Variants in KASH5 observed in about 807,000 individuals in gnomAD.
KASH5 encodes KASH domain containing 5.
Under a neutral mutation model 84.2 loss-of-function variants are expected in KASH5, and 72 were observed. The ratio of observed to expected loss-of-function variants is 0.85; its 90% confidence interval spans 0.71 to 1.04. KASH5 has a LOEUF of 1.04. Among genes scored for constraint, KASH5 ranks in the 50% least tolerant of loss-of-function variants. The probability of loss-of-function intolerance (pLI) is 0.00; values close to 1 mark genes in which losing one functional copy is unlikely to be tolerated. For missense variants in KASH5, 650 were observed against 701.0 expected, an observed-to-expected ratio of 0.93 and a Z score of 0.82; for synonymous variants, 260 against 279.1, an observed-to-expected ratio of 0.93 and a Z score of 0.68.
chr19:49,395,001 A>G lies in KASH5; in HGVS notation c.149-105A>G. 1 of 841,014 alleles carries G rather than the reference A, an allele frequency of 1.2e-6. No individual in the cohort carries two copies. The highest frequency in any genetic ancestry group is 1.8e-6 in the Non-Finnish European group (1 of 556,000). 52.1% of individuals were successfully genotyped at this position (841,014 alleles called of 1,614,324 possible). A position where few individuals can be genotyped will look rare whatever the true frequency, so the allele number is the denominator to read the frequency against. ...TGTCTCCACTGGGCCATGGAGCAGG[A>G]GTGCCACCAGCCTAGCCAGTGACAT... On this transcript the variant is annotated intron_variant, in intron 3 of 19. Transcript: ENST00000447857. This position sits in a 1 kb window ranked among gnomAD's most constrained non-coding sequence, Gnocchi z 4.4.
intron 17 of KASH5, chr19:49,415,340 G>C (rs1181973528): frequency 5.3e-6 from 2 of 375,934 alleles, no homozygotes; most frequent in Admixed American, 8.3e-5. Context: ...GGAGAGGTTG[G>C]GCCGGCCCTC....
chr19:49,396,242 A>ATTTTTTTGT (rs1568611428), intron 5 of KASH5, among the ~76,000 whole-genome samples: 1 of 122,904 alleles, frequency 8.1e-6, no homozygotes. Context: ...ACCCTGCTGG[A>ATTTTTTTGT]CTTTTTTTTT....
chr19:49,399,716 T>G lies in KASH5; in HGVS notation c.798+209T>G. On this transcript the variant is annotated intron_variant, in intron 9 of 19. Coordinates refer to ENST00000447857, the MANE Select transcript of KASH5 (RefSeq NM_144688.5). The surrounding 1 kb of genome is among the most constrained non-coding windows in gnomAD (Gnocchi z 4.4). ...AGGCATGGGGTCAGCCTACATGGCT[T>G]CAGGCTGAGGCCACCTACATAAGAG... The G allele has an allele frequency of 7.1e-7, 1 of 1,408,166 alleles. No homozygotes were observed. The highest frequency in any genetic ancestry group is 9.3e-7 in the Non-Finnish European group (1 of 1,071,110). 87.2% of individuals were successfully genotyped at this position (1,408,166 alleles called of 1,614,324 possible).
intron 9 of KASH5, among the ~76,000 whole-genome samples, chr19:49,406,667 G>T (rs908604977): frequency 1.3e-5 from 2 of 152,178 alleles, no homozygotes; most frequent in African/African-American, 4.8e-5. Context: ...GAGCCACTGC[G>T]CGTGGCCTAG....
In KASH5 at chr19:49,412,924, G is replaced by T; in HGVS notation, c.1270-44G>T. Reference sequence around the variant, plus strand: ...TGGGCACTGTTAGGGTTGGAGCTTTGAGTGAGAAGAATCAGAGAAGAACTA... The same window carrying T: ...TGGGCACTGTTAGGGTTGGAGCTTTTAGTGAGAAGAATCAGAGAAGAACTA... On this transcript the variant is annotated intron_variant, in intron 15 of 19. Transcript: ENST00000447857. The surrounding 1 kb of genome is among the most constrained non-coding windows in gnomAD (Gnocchi z 4.6). 6.2e-7 allele frequency: 1 copy of T among 1,604,414 alleles called. No homozygotes were observed. The highest frequency in any genetic ancestry group is 1.1e-5 in the South Asian group (1 of 90,540).
chr19:49,407,060 C>T, intron 10 of KASH5, 97 bp downstream of exon 10: 1 of 1,342,126 alleles, frequency 7.5e-7, no homozygotes, highest in Non-Finnish European at 1.0e-6. Flanking sequence ...AGGGCAGGGT[C>T]TTCCATCAAG....
intron 7 of KASH5, 31 bp downstream of exon 7, chr19:49,398,174 G>T: frequency 1.3e-6 from 2 of 1,526,352 alleles, no homozygotes; most frequent in Non-Finnish European, 1.8e-6. Context: ...ACCCTCCCCA[G>T]CGCCCCTGCC....
chr19:49,394,318 C>A (rs1487103107), intron 2 of KASH5, among the ~76,000 whole-genome samples, 158 bp from the exon 3 acceptor site: 1 of 152,166 alleles, frequency 6.6e-6, no homozygotes, highest in East Asian at 1.9e-4. Context: ...ATTGTTGCCC[C>A]CTCCTGAAGC....
chr19:49,402,067 C>T (rs1974377926), intron 9 of KASH5, among the ~76,000 whole-genome samples: 1 of 150,474 alleles, frequency 6.6e-6, no homozygotes, highest in Admixed American at 6.6e-5. Flanking sequence ...CACGGTGAAG[C>T]CCCATCTCTA....
chr19:49,398,228 G>A (rs1285715984), intron 7 of KASH5, 85 bp downstream of exon 7: 49 of 1,167,366 alleles, frequency 4.2e-5, no homozygotes, highest in Non-Finnish European at 5.5e-5. Context: ...CCATGCTCGT[G>A]TCTGCATCCT....
chr19:49,390,923 G>A lies in KASH5; in HGVS notation c.40G>A (p.Glu14Lys). The A allele has an allele frequency of 6.2e-7, 1 of 1,605,882 alleles. No individual in the cohort carries two copies. Among genetic ancestry groups the A allele is most frequent in the Non-Finnish European group, 8.5e-7 (1 of 1,176,636 alleles). ...PEGPVGGPTAEMYLRERPEEA... is the reference protein window; with the variant it reads ...PEGPVGGPTAKMYLRERPEEA... ...GGGCCCGGTGGGTGGCCCCACTGCG[G>A]AAAGTAAGTGGCTGGAACCCTATTT... Residue 14 changes from glutamate to lysine, a missense_variant, in exon 2 of 20, where the codon GAA (glutamate) becomes AAA (lysine). Physicochemically the swap from Glu to Lys is moderately conservative, Grantham distance 56. Coordinates refer to ENST00000447857, the MANE Select transcript of KASH5 (RefSeq NM_144688.5).
intron 9 of KASH5, among the ~76,000 whole-genome samples, chr19:49,400,373 T>TC (rs1486836568): frequency 6.8e-6 from 1 of 146,852 alleles, no homozygotes; most frequent in East Asian, 1.9e-4. Flanking sequence ...TTTTTCTTTT[T>TC]TTTTTTTTTG....
chr19:49,414,747 C>G lies in KASH5; in HGVS notation c.1329-204C>G, dbSNP rs1245371920. 7.2e-6 allele frequency among the ~76,000 whole-genome samples: 1 copy of G among 138,488 alleles called. No individual in the cohort carries two copies. Among genetic ancestry groups the G allele is most frequent in the Non-Finnish European group, 1.6e-5 (1 of 63,834 alleles). 90.9% of individuals were successfully genotyped at this position (138,488 alleles called of 152,430 possible). A position where few individuals can be genotyped will look rare whatever the true frequency, so the allele number is the denominator to read the frequency against. ...CTGCCTGGCCTCCCCCAGGCCCGTC[C>G]GTGCTGCCTGGCCTCCCCCAGGCCC... On this transcript the variant is annotated intron_variant, in intron 16 of 19. Transcript: ENST00000447857. This position sits in a 1 kb window ranked among gnomAD's most constrained non-coding sequence, Gnocchi z 4.5.
At chr19:49,401,472 G>A (rs918004625) in intron 9 of KASH5, among the ~76,000 whole-genome samples, 2 of 152,224 alleles carry the variant, frequency 1.3e-5, no homozygotes, top group Non-Finnish European at 2.9e-5. Context: ...GGTCTGGAGA[G>A]GACCCACCAG....
chr19:49,391,012 G>A lies in KASH5; in HGVS notation c.43+86G>A, dbSNP rs1973986406. 3.4e-6 allele frequency: 5 copies of A among 1,474,934 alleles called. No homozygotes were observed. The East Asian group carries it at 1.2e-4, about 35-fold the overall frequency. The allele number at this position is 1,474,934 out of a possible 1,614,324, so 91.4% of individuals were successfully genotyped here. A position where few individuals can be genotyped will look rare whatever the true frequency, so the allele number is the denominator to read the frequency against. ...GTGCCAGGCTGTGACTCGGGGACTT[G>A]GGAGAGGTGGCTGGGGGTGGCTGAG... On this transcript the variant is annotated intron_variant, in intron 2 of 19. Coordinates refer to ENST00000447857, the MANE Select transcript of KASH5 (RefSeq NM_144688.5).
intron 17 of KASH5, chr19:49,415,413 C>T (rs1290459556): frequency 3.3e-6 from 1 of 301,358 alleles, no homozygotes; most frequent in Non-Finnish European, 6.4e-6. Context: ...TGCAGCCACA[C>T]AGGCCAGTTC....
chr19:49,399,361 C>T lies in KASH5; in HGVS notation c.748-96C>T, dbSNP rs1600912617. 7.9e-7 allele frequency: 1 copy of T among 1,260,548 alleles called. No homozygotes were observed. The highest frequency in any genetic ancestry group is 1.1e-6 in the Non-Finnish European group (1 of 887,662). The allele number at this position is 1,260,548 out of a possible 1,614,324, so 78.1% of individuals were successfully genotyped here. A position where few individuals can be genotyped will look rare whatever the true frequency, so the allele number is the denominator to read the frequency against. ...ATCAGGGCTTCCCAGACCCATTCCC[C>T]CAGGCCCTGGTTGTGTTTTCAGGGG... On this transcript the variant is annotated intron_variant, in intron 8 of 19. Transcript: ENST00000447857. The surrounding 1 kb of genome is among the most constrained non-coding windows in gnomAD (Gnocchi z 4.4).
At chr19:49,404,465 C>G (rs1171176640) in intron 9 of KASH5, among the ~76,000 whole-genome samples, 1 of 152,176 alleles carries the variant, frequency 6.6e-6, no homozygotes, top group African/African-American at 2.4e-5. Flanking sequence ...CTGCCCTCAG[C>G]CTTGAAGACT....
chr19:49,401,845 C>A (rs1408442140), intron 9 of KASH5, among the ~76,000 whole-genome samples: 5 of 152,232 alleles, frequency 3.3e-5, no homozygotes, highest in African/African-American at 1.2e-4. Context: ...CATGAAAACT[C>A]ACCCCCTTGG....
Sources: gnomAD v4.1 joint callset for allele counts (sites outside exome capture counted in the v4.1 genomes callset) on GRCh38, gnomAD v4.1.1 for gene constraint, Gnocchi (gnomAD v3.1) non-coding constraint, MANE v1.5 for transcripts, NCBI Gene and HGNC (gene_info 2026-07-23, HGNC 2026-07-21) for gene names.